Variants in SEMA5A observed in about 807,000 individuals in gnomAD.
SEMA5A encodes semaphorin 5A.
SEMA5A carries 55 observed loss-of-function variants against 135.5 expected under a neutral mutation model. The ratio of observed to expected loss-of-function variants is 0.41; its 90% confidence interval spans 0.33 to 0.51. The LOEUF (loss-of-function observed/expected upper bound fraction) is 0.51. Ranked by LOEUF, SEMA5A falls within the 20% of genes least tolerant of loss-of-function variation. The pLI, the probability that SEMA5A is intolerant of heterozygous loss-of-function variation, is 0.37. For synonymous variants in SEMA5A, 580 were observed against 546.5 expected, an observed-to-expected ratio of 1.06 and a Z score of -0.85; for missense variants, 1,290 against 1,419.9, an observed-to-expected ratio of 0.91 and a Z score of 1.47.
At chr5:9,511,699 C>A (rs1357493109) in intron 1 of SEMA5A, among the ~76,000 whole-genome samples, 1 of 151,628 alleles carries the variant, frequency 6.6e-6, no homozygotes, top group Non-Finnish European at 1.5e-5. Flanking sequence ...AGTGATCTCA[C>A]CACAAAAAAA....
intron 5 of SEMA5A, 24 bp from the exon 6 acceptor site, chr5:9,237,914 G>C (rs767843701): frequency 6.2e-7 from 1 of 1,608,332 alleles, no homozygotes; most frequent in Non-Finnish European, 8.5e-7. Context: ...CAAAACAATA[G>C]CAGTCATGGT....
Position 9,044,453 on chromosome 5 carries a change from C to T in SEMA5A, c.3025G>A (p.Val1009Ile), listed in dbSNP as rs376772698. The T allele has an allele frequency of 3.3e-5, 54 of 1,613,692 alleles. No homozygotes were observed. Among genetic ancestry groups the T allele is most frequent in the Middle Eastern group, 3.3e-4 (2 of 6,010 alleles). ...QSHDATVIHP[V>I]SPAPLNTSIT... ...CTGGTATTAAGGGGGGCAGGTGAGA[C>T]GGGGTGGATGACAGTCGCATCGTGG... is the stretch of plus-strand genomic sequence containing the variant. Residue 1009 changes from valine to isoleucine, a missense_variant, in exon 22 of 23, where the codon GTC becomes ATC. Transcript: ENST00000382496.
chr5:9,361,544 G>A (rs1340893407), intron 3 of SEMA5A, among the ~76,000 whole-genome samples: 1 of 152,124 alleles, frequency 6.6e-6, no homozygotes, highest in Non-Finnish European at 1.5e-5. Context: ...GGGTTTAAAT[G>A]TGAGTTAATC....
In SEMA5A at chr5:9,097,461, T is replaced by A. The variant is rs181610934; in HGVS notation, c.2073+10679A>T. 2.8e-3 allele frequency among the ~76,000 whole-genome samples: 431 copies of A among 152,296 alleles called. 1 individual carries two copies. Among genetic ancestry groups the A allele is most frequent in the African/African-American group, 1.0e-2 (415 of 41,568 alleles). On this transcript the variant is annotated intron_variant, in intron 16 of 22. Transcript: ENST00000382496. Reference sequence around the variant, plus strand: ...ATAGTCAATTAAGGAGATGACAATATCTTTTGAGCAGATGTATGTCTCTGA... The same window carrying A: ...ATAGTCAATTAAGGAGATGACAATAACTTTTGAGCAGATGTATGTCTCTGA...
intron 2 of SEMA5A, among the ~76,000 whole-genome samples, chr5:9,413,744 T>C (rs1351449021): frequency 1.3e-5 from 2 of 152,308 alleles, no homozygotes; most frequent in South Asian, 4.1e-4. Context: ...AGATATTATG[T>C]GACAATGTTT....
At chr5:9,133,288 G>C (rs1741540014) in intron 13 of SEMA5A, among the ~76,000 whole-genome samples, 1 of 152,160 alleles carries the variant, frequency 6.6e-6, no homozygotes. Context: ...CAGATTTTTA[G>C]AAAGAGATGT....
At chr5:9,477,769 AT>A (rs1759724653) in intron 1 of SEMA5A, among the ~76,000 whole-genome samples, 1 of 152,238 alleles carries the variant, frequency 6.6e-6, no homozygotes, top group South Asian at 2.1e-4. Flanking sequence ...TGGAACTTAT[AT>A]TTAAAAGGGA....
intron 1 of SEMA5A, among the ~76,000 whole-genome samples, chr5:9,504,224 GA>G (rs756036470): frequency 4.1e-4 from 43 of 104,422 alleles, no homozygotes; most frequent in African/African-American, 1.3e-3. Context: ...AAAAAAAAAA[GA>G]AAAAAAAAAA....
intron 5 of SEMA5A, among the ~76,000 whole-genome samples, chr5:9,254,204 G>C (rs1314571460): frequency 6.6e-6 from 1 of 152,166 alleles, no homozygotes; most frequent in Non-Finnish European, 1.5e-5. Flanking sequence ...GATATAATAT[G>C]AGCTTTTCTA....
intron 1 of SEMA5A, chr5:9,498,413 C>T (rs935038827): frequency 2.6e-5 from 4 of 152,184 alleles, no homozygotes; most frequent in African/African-American, 9.7e-5. Flanking sequence ...CTTTGTAATA[C>T]TTTATTTCGG....
At chr5:9,473,428 C>T (rs1759553736) in intron 1 of SEMA5A, among the ~76,000 whole-genome samples, 1 of 126,750 alleles carries the variant, frequency 7.9e-6, no homozygotes, top group Non-Finnish European at 1.6e-5. Flanking sequence ...CCAATAAGCC[C>T]ATGTAGACCC....
intron 6 of SEMA5A, among the ~76,000 whole-genome samples, chr5:9,235,009 G>A (rs1228546593): frequency 6.6e-6 from 1 of 152,162 alleles, no homozygotes; most frequent in African/African-American, 2.4e-5. Context: ...AAGGCAAAAC[G>A]TGGGCTAGTT....
chr5:9,145,784 G>A (rs1048511264), intron 12 of SEMA5A, among the ~76,000 whole-genome samples: 10 of 147,710 alleles, frequency 6.8e-5, no homozygotes, highest in South Asian at 4.4e-4. Flanking sequence ...GATTACAGGC[G>A]CCTGCCACCA....
intron 1 of SEMA5A, among the ~76,000 whole-genome samples, chr5:9,524,810 T>C (rs1346233204): frequency 6.6e-6 from 1 of 152,202 alleles, no homozygotes; most frequent in African/African-American, 2.4e-5. Context: ...GACAAATATT[T>C]AATGAACTAT....
intron 5 of SEMA5A, among the ~76,000 whole-genome samples, chr5:9,254,729 A>G (rs899468470): frequency 2.6e-5 from 4 of 152,150 alleles, no homozygotes; most frequent in African/African-American, 9.7e-5. Context: ...GAGGACACAG[A>G]GCATTATAAA....
At chr5:9,537,045 C>T (rs899415604) in intron 1 of SEMA5A, among the ~76,000 whole-genome samples, 1 of 151,990 alleles carries the variant, frequency 6.6e-6, no homozygotes, top group Non-Finnish European at 1.5e-5. Flanking sequence ...TAGAGGCTAA[C>T]ATTTGGATGC....
chr5:9,509,699 A>C (rs11959773), intron 1 of SEMA5A, among the ~76,000 whole-genome samples: 45,323 of 152,178 alleles, frequency 0.3, 7,057 homozygotes, highest in East Asian at 0.54. Context: ...ACTCTGTAAG[A>C]AGCCTCAGAA....
At chr5:9,520,868 C>A (rs1736788114) in intron 1 of SEMA5A, among the ~76,000 whole-genome samples, 1 of 152,126 alleles carries the variant, frequency 6.6e-6, no homozygotes, top group African/African-American at 2.4e-5. Flanking sequence ...CCTAAGGAGA[C>A]AGGCAGCTAA....
intron 3 of SEMA5A, among the ~76,000 whole-genome samples, chr5:9,357,651 G>A (rs1156914850): frequency 6.6e-6 from 1 of 152,192 alleles, no homozygotes; most frequent in African/African-American, 2.4e-5. Context: ...AAGGATTAGA[G>A]TGCCAAGAGA....
Sources: allele counts gnomAD v4.1 joint callset (sites outside exome capture counted in the v4.1 genomes callset), GRCh38; gene constraint gnomAD v4.1.1; transcripts MANE v1.5; gene names NCBI Gene and HGNC (gene_info 2026-07-23, HGNC 2026-07-21).